Variants in SF3A3 observed in about 807,000 individuals in gnomAD.
SF3A3 encodes the protein splicing factor 3a subunit 3, also known as SAP 61.
In SF3A3, 9 loss-of-function variants were observed where a neutral mutation model predicts 85.8. The observed-to-expected ratio is 0.10, with a 90% confidence interval of 0.06 to 0.18. The LOEUF (loss-of-function observed/expected upper bound fraction) is 0.18, where lower values mean the gene tolerates loss of function less well. SF3A3 is among the 10% of genes least tolerant of loss of function. The pLI, the probability that SF3A3 is intolerant of heterozygous loss-of-function variation, is 1.00. For missense variants in SF3A3, 306 were observed against 593.3 expected (o/e 0.52, Z 5.03); for synonymous variants, 195 against 204.4 (o/e 0.95, Z 0.39).
rs572323379 is a variant in SF3A3, at chr1:37,988,529, G to T, written c.145-693C>A. Among the ~76,000 whole-genome samples the T allele has an allele frequency of 6.6e-5, 10 of 152,252 alleles. No homozygotes were observed. The East Asian group carries it at 1.9e-3, about 29-fold the overall frequency. On this transcript the variant is annotated intron_variant, in intron 2 of 16. Transcript: ENST00000373019. ...AGGTTTTACTGTCAAGTGAGATCAG[G>T]TCAGATTTTGACACCAAATAATCAC...
chr1:37,980,255 TC>T (rs762203842), intron 8 of SF3A3, among the ~76,000 whole-genome samples: 2 of 152,008 alleles, frequency 1.3e-5, no homozygotes, highest in Non-Finnish European at 2.9e-5. Context: ...AGAAACCCTG[TC>T]CCCACTAAAA....
At chr1:37,959,590 A>T (rs188016162) in intron 16 of SF3A3, among the ~76,000 whole-genome samples, 65 of 149,904 alleles carry the variant, frequency 4.3e-4, no homozygotes, top group South Asian at 1.3e-3. Context: ...TATTATTATT[A>T]TTTTTTGAGA....
chr1:37,983,543 C>T (rs111261409), intron 6 of SF3A3, among the ~76,000 whole-genome samples: 1,798 of 126,608 alleles, frequency 0.014, 56 homozygotes, highest in African/African-American at 0.052. Context: ...GCCAAGATCG[C>T]GCCACTGCAC....
chr1:37,977,058 C>A, intron 11 of SF3A3, 105 bp from the exon 12 acceptor site: 1 of 797,418 alleles, frequency 1.3e-6, no homozygotes, highest in Non-Finnish European at 2.2e-6. Context: ...AAATTATAAG[C>A]ACATGAGAAA....
intron 4 of SF3A3, among the ~76,000 whole-genome samples, chr1:37,987,097 A>C (rs2148725398): frequency 6.6e-6 from 1 of 151,962 alleles, no homozygotes; most frequent in South Asian, 2.1e-4. Context: ...CTTTTTTTTG[A>C]GACAAAGTCT....
chr1:37,981,867 G>A, intron 6 of SF3A3, 56 bp from the exon 7 acceptor site: 1 of 981,586 alleles, frequency 1.0e-6, no homozygotes, highest in Non-Finnish European at 1.6e-6. Flanking sequence ...ACTGTAACAA[G>A]TTACAATATA....
intron 12 of SF3A3, among the ~76,000 whole-genome samples, chr1:37,973,288 C>G (rs1008888975): frequency 2.6e-5 from 4 of 152,090 alleles, no homozygotes; most frequent in Admixed American, 6.6e-5. Flanking sequence ...TAGGCATGGG[C>G]GAGGACTTCA....
intron 16 of SF3A3, among the ~76,000 whole-genome samples, 163 bp downstream of exon 16, chr1:37,959,957 C>T (rs1390312727): frequency 2.1e-5 from 2 of 97,344 alleles, no homozygotes; most frequent in African/African-American, 8.0e-5. Flanking sequence ...GACTCCGTGT[C>T]AAAAAAAAAA....
chr1:37,972,409 A>T (rs1472104553), intron 12 of SF3A3, among the ~76,000 whole-genome samples: 2 of 152,346 alleles, frequency 1.3e-5, no homozygotes, highest in East Asian at 3.9e-4. Context: ...AAGAATCAAT[A>T]TTGTGAAAAT....
chr1:37,977,758 C>T (rs1646388940), intron 11 of SF3A3, among the ~76,000 whole-genome samples: 2 of 151,884 alleles, frequency 1.3e-5, no homozygotes, highest in African/African-American at 4.8e-5. Context: ...AAAATCGCTT[C>T]AAGCAGGGCG....
chr1:37,975,701 C>T (rs72921887), intron 12 of SF3A3, among the ~76,000 whole-genome samples: 4,327 of 152,230 alleles, frequency 0.028, 171 homozygotes, highest in African/African-American at 0.089. Context: ...GCAGTCATAA[C>T]AGAATCACAG....
intron 10 of SF3A3, 51 bp downstream of exon 10, chr1:37,978,937 T>G (rs375660695): frequency 6.4e-7 from 1 of 1,568,584 alleles, no homozygotes; most frequent in Non-Finnish European, 8.8e-7. Context: ...CTTAGAAGAC[T>G]GTGCAAACAC....
At chr1:37,973,299 T>C (rs1646356179) in intron 12 of SF3A3, among the ~76,000 whole-genome samples, 1 of 152,160 alleles carries the variant, frequency 6.6e-6, no homozygotes, top group Admixed American at 6.6e-5. Context: ...GAGGACTTCA[T>C]GACTAAAACA....
intron 14 of SF3A3, 146 bp downstream of exon 14, chr1:37,969,208 G>T: frequency 1.6e-6 from 1 of 631,718 alleles, no homozygotes; most frequent in Non-Finnish European, 2.8e-6. Flanking sequence ...AAAGTCAAAT[G>T]CCATGGGCTT....
intron 8 of SF3A3, 58 bp downstream of exon 8, chr1:37,980,528 G>A (rs1646410736): frequency 6.3e-7 from 1 of 1,575,954 alleles, no homozygotes. Flanking sequence ...CAAGATAAAG[G>A]AAAATAATTA....
Position 37,964,011 on chromosome 1 carries a change from C to T in SF3A3, c.1373-3836G>A, listed in dbSNP as rs533193468. 1.1e-4 allele frequency among the ~76,000 whole-genome samples: 16 copies of T among 151,302 alleles called. No individual in the cohort carries two copies. In the East Asian group the frequency reaches 2.8e-3, roughly 27 times the overall value. ...TTGGCCAGCATGGTGAAACCCCATCCCTACTAAAAATACAAAAATTAGCTG... is the reference window on the plus strand; with the variant it reads ...TTGGCCAGCATGGTGAAACCCCATCTCTACTAAAAATACAAAAATTAGCTG... On this transcript the variant is annotated intron_variant, in intron 15 of 16. Coordinates refer to ENST00000373019, the MANE Select transcript of SF3A3 (RefSeq NM_006802.4).
At chr1:37,964,936 A>G (rs764499325) in intron 15 of SF3A3, among the ~76,000 whole-genome samples, 22 of 152,122 alleles carry the variant, frequency 1.4e-4, no homozygotes, top group Non-Finnish European at 2.8e-4. Context: ...ATGCGGGTGC[A>G]TCACTTGAGG....
chr1:37,960,063 T>C (rs991957062), intron 16 of SF3A3, 57 bp downstream of exon 16: 1 of 1,401,156 alleles, frequency 7.1e-7, no homozygotes, highest in Admixed American at 1.7e-5. Flanking sequence ...TTCTACATGG[T>C]GAGGGAGCTC....
intron 6 of SF3A3, 149 bp downstream of exon 6, chr1:37,984,020 C>T: frequency 4.2e-6 from 2 of 476,882 alleles, no homozygotes; most frequent in Non-Finnish European, 3.8e-6. Context: ...TATTTCATTC[C>T]AAGAGAGCAT....
Sources: allele counts gnomAD v4.1 joint callset (sites outside exome capture counted in the v4.1 genomes callset), GRCh38; gene constraint gnomAD v4.1.1; transcripts MANE v1.5; gene names NCBI Gene and HGNC (gene_info 2026-07-23, HGNC 2026-07-21).